Variants in ZNF550 observed in about 807,000 individuals in gnomAD.
The protein encoded by ZNF550 is zinc finger protein 550.
Under a neutral mutation model 40.2 loss-of-function variants are expected in ZNF550, and 42 were observed. The ratio of observed to expected loss-of-function variants is 1.05; its 90% CI spans 0.82 to 1.35. The LOEUF (loss-of-function observed/expected upper bound fraction) is 1.35. Ranked by LOEUF, ZNF550 falls within the 40% of genes most tolerant of loss-of-function variation. The pLI is 0.00. For synonymous variants in ZNF550, 223 were observed against 198.6 expected (o/e 1.12, Z -1.03); for missense variants, 549 against 525.2 (o/e 1.05, Z -0.44).
chr19:57,547,185 T>A (rs1261900227), exon 4 of ZNF550: 5 of 1,611,334 alleles, frequency 3.1e-6, no homozygotes, highest in Non-Finnish European at 4.2e-6. Context: ...CTGAGCTGCA[T>A]CTGAAGGCCT....
rs117916646 is a variant in ZNF550 at position 57,550,321 on chromosome 19, G to A, written c.250+2306C>T. On this transcript the variant is annotated intron_variant, in intron 3 of 4. Transcript: ENST00000457177. ...TGACTCCACCAGTCATCTCCTGGGT[G>A]TATATGCAACAGAAATGAGTGTTTA... 4.1e-3 allele frequency among the ~76,000 whole-genome samples: 619 copies of A among 152,336 alleles called. 1 individual carries two copies. Among genetic ancestry groups the A allele is most frequent in the Non-Finnish European group, 7.2e-3 (491 of 68,032 alleles).
At chr19:57,543,470 C>T (rs887123258) in intron 4 of ZNF550, 11 of 379,000 alleles carry the variant, frequency 2.9e-5, no homozygotes, top group South Asian at 1.1e-4. Context: ...GTTAATTTAC[C>T]GTCCACATTT....
exon 2 of ZNF550, chr19:57,556,267 C>T (rs1337963484): frequency 6.2e-7 from 1 of 1,614,048 alleles, no homozygotes; most frequent in Non-Finnish European, 8.5e-7. Flanking sequence ...TCCAGCATCA[C>T]CTCTCGGTAC....
chr19:57,549,374 G>C (rs1038566661), intron 3 of ZNF550, among the ~76,000 whole-genome samples: 4 of 152,254 alleles, frequency 2.6e-5, no homozygotes, highest in Non-Finnish European at 4.4e-5. Flanking sequence ...GAACCCGGGA[G>C]GCAGAGGTTG....
At chr19:57,553,038 G>C in intron 2 of ZNF550, 1 of 227,026 alleles carries the variant, frequency 4.4e-6, no homozygotes, top group South Asian at 1.3e-4. Context: ...TAAAAACAGA[G>C]AGAGATCTCT....
intron 3 of ZNF550, among the ~76,000 whole-genome samples, chr19:57,550,171 G>A (rs77638109): frequency 0.014 from 2,064 of 152,240 alleles, 20 homozygotes; most frequent in Middle Eastern, 0.041. Context: ...GGCCAGCATC[G>A]CATGCTTAGA....
At chr19:57,550,832 A>G (rs1449250309) in intron 3 of ZNF550, among the ~76,000 whole-genome samples, 1 of 152,246 alleles carries the variant, frequency 6.6e-6, no homozygotes, top group African/African-American at 2.4e-5. Context: ...TATTAAAGTC[A>G]AGTGTAAACA....
At chr19:57,552,584 G>A (rs1388554783) in intron 3 of ZNF550, 43 bp downstream of exon 3, 2 of 1,469,764 alleles carry the variant, frequency 1.4e-6, no homozygotes, top group Non-Finnish European at 1.9e-6. Context: ...CACATTATCT[G>A]AAGACTGCCA....
In ZNF550 at chr19:57,556,160, T is replaced by C. The variant is rs1399753338; in HGVS notation, c.154+71A>G. The C allele has an allele frequency of 3.7e-6, 6 of 1,605,742 alleles. No individual in the cohort carries two copies. In the African/African-American group the frequency reaches 5.4e-5, roughly 14 times the overall value. The stretch of plus-strand genomic sequence containing the variant: ...GTCTGTCAAGAGAAAGGTGGGCAGT[T>C]CCAGTGACCTTTTTGCCTGGCCAAG... On this transcript the variant is annotated intron_variant, in intron 2 of 4. Transcript: ENST00000457177.
At position 57,546,527 on chromosome 19, in the gene ZNF550, A is replaced by G. The variant is rs376432437; in HGVS notation, c.*448T>C. The G allele has an allele frequency of 1.4e-5, 14 of 991,624 alleles. No homozygotes were observed. The Admixed American group carries it at 2.2e-4, about 16-fold the overall frequency. The allele number at this position is 991,624 out of a possible 1,614,324, so 61.4% of individuals were successfully genotyped here. ...GGGTCAAATTCCAGCATGGCTCTTT[A>G]TAGGACAAGCAAGTGACAACCTGGT... On this transcript the variant is annotated 3_prime_UTR_variant, in exon 4 of 5. Transcript: ENST00000457177.
intron 2 of ZNF550, 136 bp from the exon 3 acceptor site, chr19:57,552,858 C>T: frequency 1.6e-6 from 1 of 630,856 alleles, no homozygotes; most frequent in Non-Finnish European, 2.8e-6. Context: ...CTGATGTGAG[C>T]CCTGAAAATC....
chr19:57,558,393 G>A (rs2090140873), intron 1 of ZNF550, among the ~76,000 whole-genome samples: 1 of 152,198 alleles, frequency 6.6e-6, no homozygotes, highest in Non-Finnish European at 1.5e-5. Flanking sequence ...AGACCATGCT[G>A]GTAGGAGGGG....
At chr19:57,559,795 G>C in exon 1 of ZNF550, 1 of 993,952 alleles carries the variant, frequency 1.0e-6, no homozygotes, top group South Asian at 2.9e-5. Context: ...ATCCTTCCCA[G>C]CACAGTTCTG....
upstream of ZNF550, among the ~76,000 whole-genome samples, chr19:57,560,406 C>T (rs2090159487): frequency 6.6e-6 from 1 of 152,200 alleles, no homozygotes; most frequent in African/African-American, 2.4e-5. Flanking sequence ...GGCCGTGAGT[C>T]CCCGCCCGCT....
At chr19:57,546,413 T>C (rs1040790313) in intron 4 of ZNF550, 2 of 897,154 alleles carry the variant, frequency 2.2e-6, no homozygotes, top group African/African-American at 3.6e-5. Flanking sequence ...AAAATAAAAC[T>C]GATCTTACAG....
chr19:57,559,822 C>G (rs1474881522), exon 1 of ZNF550: 2 of 701,996 alleles, frequency 2.8e-6, no homozygotes, highest in Non-Finnish European at 4.0e-6. Context: ...CGGACCAACA[C>G]GCCCCACCAC....
At chr19:57,559,171 A>C (rs1016106187) in intron 1 of ZNF550, among the ~76,000 whole-genome samples, 44 of 152,178 alleles carry the variant, frequency 2.9e-4, no homozygotes, top group African/African-American at 9.9e-4. Context: ...GCAGCTCCGG[A>C]AACAACATCC....
intron 3 of ZNF550, among the ~76,000 whole-genome samples, chr19:57,550,223 G>A (rs1297391568): frequency 6.6e-6 from 1 of 152,170 alleles, no homozygotes; most frequent in Non-Finnish European, 1.5e-5. Flanking sequence ...GAATGGTGGG[G>A]ATGGGAAATG....
chr19:57,547,676 G>T, exon 4 of ZNF550: 1 of 1,614,130 alleles, frequency 6.2e-7, no homozygotes, highest in Non-Finnish European at 8.5e-7. Context: ...TCTTTCCCTG[G>T]TTGCTGTGAG....
Sources: allele counts gnomAD v4.1 joint callset (sites outside exome capture counted in the v4.1 genomes callset), GRCh38; gene constraint gnomAD v4.1.1; transcripts MANE v1.5; gene names NCBI Gene and HGNC (gene_info 2026-07-23, HGNC 2026-07-21).